The following C17orf67 variants were observed in gnomAD, a reference collection of about 807,000 sequenced individuals.
C17orf67 encodes uncharacterized protein C17orf67.
In C17orf67, 12 loss-of-function variants were observed where a neutral mutation model predicts 11.2. That is an observed-to-expected ratio of 1.07 (90% confidence interval 0.68 to 1.73). C17orf67 has a LOEUF of 1.73. Ranked by LOEUF, C17orf67 falls within the 40% of genes most tolerant of loss-of-function variation. The probability of loss-of-function intolerance (pLI) is 0.00; values close to 1 mark genes in which losing one functional copy is unlikely to be tolerated. For missense variants in C17orf67, 115 were observed against 113.5 expected, an observed-to-expected ratio of 1.01 and a Z score of -0.06; for synonymous variants, 59 against 46.9, an observed-to-expected ratio of 1.26 and a Z score of -1.05.
In C17orf67 at chr17:56,792,180, T is replaced by C. The variant is rs1905115917; in HGVS notation, c.*193A>G. 6.6e-6 allele frequency: 1 copy of C among 152,232 alleles called. No homozygotes were observed. Among genetic ancestry groups the C allele is most frequent in the South Asian group, 2.1e-4 (1 of 4,828 alleles). The allele number at this position is 152,232 out of a possible 1,614,324, so 9.4% of individuals were successfully genotyped here. ...TTAAGCTATTGGTTTTAGTGATCTA[T>C]GCAGGTTAGTAAAATGAAGCAGTAT... On this transcript the variant is annotated 3_prime_UTR_variant, in exon 8 of 8. Coordinates refer to ENST00000397861, the MANE Select transcript of C17orf67 (RefSeq NM_001085430.4).
chr17:56,817,530 C>CACTA (rs2144138277), intron 4 of C17orf67, among the ~76,000 whole-genome samples: 1 of 152,216 alleles, frequency 6.6e-6, no homozygotes, highest in East Asian at 1.9e-4. Flanking sequence ...AATCACAGCC[C>CACTA]ACTACAGCCT....
chr17:56,820,236 A>C (rs1344759992), intron 4 of C17orf67, among the ~76,000 whole-genome samples: 6 of 152,230 alleles, frequency 3.9e-5, no homozygotes, highest in Admixed American at 3.9e-4. Context: ...ATAAGGACCC[A>C]AAACATTTCT....
chr17:56,802,393 A>G (rs1344060731), intron 6 of C17orf67, among the ~76,000 whole-genome samples: 2 of 152,202 alleles, frequency 1.3e-5, no homozygotes, highest in Admixed American at 6.5e-5. Flanking sequence ...GAATTTCCAC[A>G]GTTCACCTCA....
Position 56,815,752 on chromosome 17 carries a change from C to T in C17orf67, c.55+4G>A, listed in dbSNP as rs771450421. On this transcript the variant is annotated splice_donor_region_variant and intron_variant, in intron 5 of 7. Coordinates refer to ENST00000397861, the MANE Select transcript of C17orf67 (RefSeq NM_001085430.4). ...AATAGGCTGTTTTTGGAGTCAGTGC[C>T]CACCTGAGAAGACAGTCAGTAAGGT... 1.2e-6 allele frequency: 2 copies of T among 1,605,676 alleles called. No homozygotes were observed. Among genetic ancestry groups the T allele is most frequent in the South Asian group, 1.1e-5 (1 of 89,958 alleles).
intron 6 of C17orf67, among the ~76,000 whole-genome samples, chr17:56,807,301 A>G (rs971157167): frequency 1.3e-4 from 20 of 152,052 alleles, no homozygotes; most frequent in African/African-American, 4.8e-4. Context: ...AGGAAGAGAG[A>G]TCAATTGTGT....
In C17orf67 at chr17:56,833,878, G is replaced by A. The variant is rs1027799262; in HGVS notation, c.-1262C>T. On this transcript the variant is annotated 5_prime_UTR_variant, in exon 1 of 8. Transcript: ENST00000397861. ...GAATTTTCTACGATTACGAAGTTTT[G>A]GCATTCAACCCTCCATCCTCTCAAA... The A allele has an allele frequency of 6.6e-6, 1 of 152,174 alleles. No homozygotes were observed. Among genetic ancestry groups the A allele is most frequent in the Non-Finnish European group, 1.5e-5 (1 of 68,170 alleles). 9.4% of individuals were successfully genotyped at this position (152,174 alleles called of 1,614,324 possible). A position where few individuals can be genotyped will look rare whatever the true frequency, so the allele number is the denominator to read the frequency against.
At chr17:56,821,437 T>C (rs1164654381) in intron 4 of C17orf67, among the ~76,000 whole-genome samples, 1 of 152,148 alleles carries the variant, frequency 6.6e-6, no homozygotes, top group East Asian at 1.9e-4. Context: ...ATAGTAACTT[T>C]AAAGCAATGA....
intron 4 of C17orf67, among the ~76,000 whole-genome samples, chr17:56,820,457 C>T (rs1905872860): frequency 1.3e-5 from 2 of 152,092 alleles, no homozygotes; most frequent in African/African-American, 2.4e-5. Context: ...CACACACTCA[C>T]GCGGGGACAA....
intron 6 of C17orf67, 117 bp downstream of exon 6, chr17:56,814,752 T>A: frequency 1.0e-6 from 1 of 977,912 alleles, no homozygotes; most frequent in Non-Finnish European, 1.6e-6. Flanking sequence ...ATCTTCTACC[T>A]GAAACTCTAA....
At chr17:56,828,337 G>A (rs1313288441) in intron 2 of C17orf67, among the ~76,000 whole-genome samples, 5 of 151,660 alleles carry the variant, frequency 3.3e-5, no homozygotes, top group Non-Finnish European at 4.4e-5. Flanking sequence ...CCCAGGAGGC[G>A]GAGGTTGTGG....
rs1184201915 is a variant in C17orf67, at chr17:56,797,780, C to T, written c.157-2600G>A. 2.0e-5 allele frequency among the ~76,000 whole-genome samples: 3 copies of T among 152,166 alleles called. No homozygotes were observed. The East Asian group carries it at 5.8e-4, about 29-fold the overall frequency. On this transcript the variant is annotated intron_variant, in intron 6 of 7. Transcript: ENST00000397861. ...CCCTTTATCAACAGGAATGTCACTT[C>T]CAGCCTTTAGGGCTGGCCTTCTCCT...
chr17:56,806,857 A>G (rs1213607079), intron 6 of C17orf67, among the ~76,000 whole-genome samples: 1 of 152,224 alleles, frequency 6.6e-6, no homozygotes, highest in African/African-American at 2.4e-5. Flanking sequence ...TCCACTCTAC[A>G]GATAATTGTG....
chr17:56,799,875 T>A (rs1905278636), intron 6 of C17orf67, among the ~76,000 whole-genome samples: 1 of 152,118 alleles, frequency 6.6e-6, no homozygotes, highest in African/African-American at 2.4e-5. Flanking sequence ...AGTAGATGTC[T>A]ATTCAAGTCT....
intron 6 of C17orf67, among the ~76,000 whole-genome samples, chr17:56,810,205 TCA>T (rs1468159517): frequency 2.7e-5 from 3 of 111,794 alleles, no homozygotes; most frequent in Non-Finnish European, 3.6e-5. Flanking sequence ...ACACACACTC[TCA>T]CACACACCAT....
rs576511434 is a variant in C17orf67 at position 56,792,280 on chromosome 17, T to C, written c.*93A>G. 1.3e-5 allele frequency: 2 copies of C among 152,378 alleles called. No homozygotes were observed. The highest frequency in any genetic ancestry group is 4.1e-4 in the South Asian group (2 of 4,834). The allele number at this position is 152,378 out of a possible 1,614,324, so 9.4% of individuals were successfully genotyped here. On this transcript the variant is annotated 3_prime_UTR_variant, in exon 8 of 8. Coordinates refer to ENST00000397861, the MANE Select transcript of C17orf67 (RefSeq NM_001085430.4). ...GGTCTGAAGACATCCATTTCTGCAA[T>C]TTAAAAACAAGTGAAAGAAGCAGCC...
intron 6 of C17orf67, among the ~76,000 whole-genome samples, chr17:56,812,232 G>C (rs1255527390): frequency 6.6e-6 from 1 of 152,250 alleles, no homozygotes; most frequent in Non-Finnish European, 1.5e-5. Flanking sequence ...GCAATGTGTA[G>C]ACTTGGTTCC....
At chr17:56,805,373 G>A (rs1315178767) in intron 6 of C17orf67, among the ~76,000 whole-genome samples, 1 of 152,072 alleles carries the variant, frequency 6.6e-6, no homozygotes. Flanking sequence ...CACTGCCAAT[G>A]AATGGCACTA....
In C17orf67 at chr17:56,792,087, C is replaced by T. The variant is rs1372828645; in HGVS notation, c.*286G>A. On this transcript the variant is annotated 3_prime_UTR_variant, in exon 8 of 8. Transcript: ENST00000397861. ...TCTGGGAGTTCCAGCTCCATCAACCCCAGGTAAGATTCTGGTTGTTCCCAC... is the reference window on the plus strand; with the variant it reads ...TCTGGGAGTTCCAGCTCCATCAACCTCAGGTAAGATTCTGGTTGTTCCCAC... The T allele has an allele frequency of 2.0e-5, 3 of 152,186 alleles. No individual in the cohort carries two copies. The highest frequency in any genetic ancestry group is 2.9e-5 in the Non-Finnish European group (2 of 68,064). The allele number at this position is 152,186 out of a possible 1,614,324, so 9.4% of individuals were successfully genotyped here. A position where few individuals can be genotyped will look rare whatever the true frequency, so the allele number is the denominator to read the frequency against.
chr17:56,824,866 G>A lies in C17orf67; in HGVS notation c.-315-13C>T, dbSNP rs1905987870. 6.6e-6 allele frequency: 1 copy of A among 152,194 alleles called. No individual in the cohort carries two copies. The highest frequency in any genetic ancestry group is 1.5e-5 in the Non-Finnish European group (1 of 68,032). 9.4% of individuals were successfully genotyped at this position (152,194 alleles called of 1,614,324 possible). ...TACCCTTAGGCATCTATAAAGAAAA[G>A]CAAAGAAATGAAGGCCACAAAAGTT... On this transcript the variant is annotated splice_polypyrimidine_tract_variant and intron_variant, in intron 3 of 7. Transcript: ENST00000397861.
Sources: allele counts gnomAD v4.1 joint callset (sites outside exome capture counted in the v4.1 genomes callset), GRCh38; gene constraint gnomAD v4.1.1; transcripts MANE v1.5; gene names NCBI Gene and HGNC (gene_info 2026-07-23, HGNC 2026-07-21).